COQ8B: variants seen among roughly 807,000 people sequenced by gnomAD.
COQ8B encodes coenzyme Q8B.
In COQ8B, 44 loss-of-function variants were observed where a neutral mutation model predicts 62.0. The observed-to-expected ratio is 0.71, with a 90% CI of 0.56 to 0.91. The LOEUF is 0.91. COQ8B is among the 40% of genes least tolerant of loss of function. The probability of loss-of-function intolerance (pLI) is 0.00; values close to 1 mark genes in which losing one functional copy is unlikely to be tolerated. For synonymous variants in COQ8B, 252 were observed against 289.9 expected (o/e 0.87, Z 1.33); for missense variants, 649 against 731.6 (o/e 0.89, Z 1.30).
intron 4 of COQ8B, among the ~76,000 whole-genome samples, chr19:40,713,511 T>G (rs2082158343): frequency 6.8e-6 from 1 of 147,976 alleles, no homozygotes; most frequent in Non-Finnish European, 1.5e-5. Context: ...ATGGCGCCAC[T>G]GCACTCCAGC....
At chr19:40,692,491 C>T in intron 14 of COQ8B, 118 bp from the exon 15 acceptor site, 1 of 869,380 alleles carries the variant, frequency 1.2e-6, no homozygotes, top group Non-Finnish European at 1.8e-6. Flanking sequence ...AACACAAGCC[C>T]CGACTCCCCC....
chr19:40,695,290 C>G (rs2082005198), intron 13 of COQ8B, among the ~76,000 whole-genome samples: 1 of 139,792 alleles, frequency 7.2e-6, no homozygotes, highest in Non-Finnish European at 1.5e-5. Context: ...TGCACTCCAG[C>G]CTGGGCGACA....
At chr19:40,699,981 A>G (rs1332478088) in intron 12 of COQ8B, 86 bp downstream of exon 12, 1 of 1,279,838 alleles carries the variant, frequency 7.8e-7, no homozygotes, top group Non-Finnish European at 1.1e-6. Context: ...GGGGTAATCA[A>G]CTGCTATTTT....
At chr19:40,705,679 C>T (rs564874532) in intron 5 of COQ8B, among the ~76,000 whole-genome samples, 4 of 152,270 alleles carry the variant, frequency 2.6e-5, no homozygotes, top group East Asian at 1.9e-4. Context: ...CTTGTTGGCT[C>T]GCGCCTATAA....
rs371834186 is a variant in COQ8B at position 40,714,164 on chromosome 19, G to A, written c.223-31C>T. On this transcript the variant is annotated intron_variant, in intron 3 of 14. Transcript: ENST00000324464. ...AAATGGGGACAAGGTCTGAGGGTGG[G>A]AAAGTGGGCATCGTGGCCAGAGAGT... is the stretch of plus-strand genomic sequence containing the variant. 211 of 1,613,666 alleles carry A rather than the reference G, an allele frequency of 1.3e-4. 1 individual carries two copies. In the African/African-American group the frequency reaches 2.6e-3, roughly 20 times the overall value.
chr19:40,713,931 C>T (rs1214445117), intron 4 of COQ8B, 136 bp downstream of exon 4: 3 of 902,264 alleles, frequency 3.3e-6, no homozygotes, highest in Non-Finnish European at 5.1e-6. Context: ...CTTGGCCTTG[C>T]AGGCCCTTGC....
chr19:40,692,679 C>T (rs769738821), intron 14 of COQ8B, among the ~76,000 whole-genome samples: 17 of 152,168 alleles, frequency 1.1e-4, no homozygotes, highest in Non-Finnish European at 2.4e-4. Context: ...GCCCATGTTC[C>T]CAGGGTTCCT....
intron 13 of COQ8B, among the ~76,000 whole-genome samples, chr19:40,694,386 G>A (rs1398525541): frequency 6.6e-6 from 1 of 152,142 alleles, no homozygotes; most frequent in Non-Finnish European, 1.5e-5. Context: ...TCTTTTCCAC[G>A]GCTCCGCAGG....
intron 8 of COQ8B, 26 bp downstream of exon 8, chr19:40,703,689 C>G (rs2082079328): frequency 6.2e-7 from 1 of 1,613,950 alleles, no homozygotes; most frequent in Non-Finnish European, 8.5e-7. Context: ...GTGCCCGCCC[C>G]TACCCTGCCC....
rs370308306 is a variant in COQ8B, at chr19:40,693,824, G to T, written c.1210-787C>A. Among the ~76,000 whole-genome samples the T allele has an allele frequency of 1.2e-4, 19 of 152,288 alleles. No individual in the cohort carries two copies. In the East Asian group the frequency reaches 3.1e-3, roughly 25 times the overall value. On this transcript the variant is annotated intron_variant, in intron 13 of 14. Transcript: ENST00000324464. ...CCATTATTAAGAGGTGGGCACGGGG[G>T]TCCCTATTTCACAGAAGGGGAAGCA...
chr19:40,705,068 T>G (rs979101848), intron 7 of COQ8B, 28 bp downstream of exon 7: 1 of 1,574,680 alleles, frequency 6.4e-7, no homozygotes, highest in African/African-American at 1.3e-5. Context: ...CCTGCCTCCC[T>G]CACCGCCCTC....
chr19:40,714,278 C>A lies in COQ8B; in HGVS notation c.222G>T (p.Gln74His). ...EARPRKTPRP[Q>H]LSDRSRERKV... The stretch of plus-strand genomic sequence containing the variant: ...GCTGGGTGGGTGGGGGTAATGATAC[C>A]TGGGGCCGGGGTGTCTTCCTGGGAC... The change falls in exon 3 of 15, where the codon CAG becomes CAT. Residue 74 changes from glutamine (Q) to histidine (H), a missense_variant and splice_region_variant. Physicochemically the swap from Gln to His is conservative, Grantham distance 24. Coordinates refer to ENST00000324464, the MANE Select transcript of COQ8B (RefSeq NM_024876.4). 6.2e-7 allele frequency: 1 copy of A among 1,611,454 alleles called. No individual in the cohort carries two copies. Among genetic ancestry groups the A allele is most frequent in the Non-Finnish European group, 8.5e-7 (1 of 1,178,556 alleles).
chr19:40,695,488 T>C (rs2082007883), intron 13 of COQ8B, among the ~76,000 whole-genome samples: 2 of 152,132 alleles, frequency 1.3e-5, no homozygotes, highest in African/African-American at 4.8e-5. Flanking sequence ...ACGAGCCAAG[T>C]ACGTGAGGAA....
At position 40,703,574 on chromosome 19, in the gene COQ8B, C is replaced by G; in HGVS notation, c.766G>C (p.Ala256Pro). 6.2e-7 allele frequency: 1 copy of G among 1,609,960 alleles called. No homozygotes were observed. The highest frequency in any genetic ancestry group is 8.5e-7 in the Non-Finnish European group (1 of 1,177,140). ...SIQSDVQNLL[A>P]VLKMSAALPA... ...AGGGCCGCGCTCATCTTGAGTACCGCCAGCAGGTTCTGGACATCGCTCTGA... is the reference window on the plus strand; with the variant it reads ...AGGGCCGCGCTCATCTTGAGTACCGGCAGCAGGTTCTGGACATCGCTCTGA... The change falls in exon 9 of 15, where the codon GCG (alanine) becomes CCG (proline). Residue 256 changes from alanine (A) to proline (P), a missense_variant. By Grantham distance (27) the Ala-to-Pro change is conservative. Transcript: ENST00000324464.
At chr19:40,714,855 C>A (rs1253988816) in intron 1 of COQ8B, 50 of 1,332,304 alleles carry the variant, frequency 3.8e-5, no homozygotes, top group Non-Finnish European at 4.8e-5. Context: ...TCTCCCAACC[C>A]TCGCCGTTGC....
rs1290375809 is a variant in COQ8B at position 40,705,179 on chromosome 19, T to C, written c.493A>G (p.Asn165Asp). The C allele has an allele frequency of 1.2e-6, 2 of 1,613,434 alleles. No homozygotes were observed. Among genetic ancestry groups the C allele is most frequent in the Non-Finnish European group, 8.5e-7 (1 of 1,179,696 alleles). ...TGCAGCTGAGGGCTGATGAAGCTGTTGTCTTGGGAGACAGTGGAACCAGGG... is the reference window on the plus strand; with the variant it reads ...TGCAGCTGAGGGCTGATGAAGCTGTCGTCTTGGGAGACAGTGGAACCAGGG... ...KVGQMLSIQD[N>D]SFISPQLQHI... Residue 165 changes from asparagine (N) to aspartate (D), a missense_variant and splice_region_variant, in exon 7 of 15, where the codon AAC (asparagine) becomes GAC (aspartate). Coordinates refer to ENST00000324464, the MANE Select transcript of COQ8B (RefSeq NM_024876.4).
At chr19:40,713,083 G>A (rs978547949) in intron 4 of COQ8B, among the ~76,000 whole-genome samples, 7 of 152,198 alleles carry the variant, frequency 4.6e-5, no homozygotes, top group Non-Finnish European at 8.8e-5. Flanking sequence ...GTGGCTTCCC[G>A]GGCACCGTGG....
chr19:40,702,726 C>A (rs1327225808), intron 9 of COQ8B, 33 bp from the exon 10 acceptor site: 2 of 1,596,566 alleles, frequency 1.3e-6, no homozygotes, highest in Non-Finnish European at 8.5e-7. Flanking sequence ...AGGGAAGGGC[C>A]CCGAGCGCCC....
At position 40,714,400 on chromosome 19, in the gene COQ8B, G is replaced by A; in HGVS notation, c.103-3C>T. ...GCCCAAGAACCTCCACATGGTCCCT[G>A]CAAGAGATATACTTTGATAAGGAGG... is the stretch of plus-strand genomic sequence containing the variant. On this transcript the variant is annotated splice_polypyrimidine_tract_variant and splice_region_variant and intron_variant, in intron 2 of 14. Coordinates refer to ENST00000324464, the MANE Select transcript of COQ8B (RefSeq NM_024876.4). 1 of 1,613,542 alleles carries A rather than the reference G, an allele frequency of 6.2e-7. No individual in the cohort carries two copies. Among genetic ancestry groups the A allele is most frequent in the Non-Finnish European group, 8.5e-7 (1 of 1,179,776 alleles).
Sources: allele counts gnomAD v4.1 joint callset (sites outside exome capture counted in the v4.1 genomes callset), GRCh38; gene constraint gnomAD v4.1.1; transcripts MANE v1.5; gene names NCBI Gene and HGNC (gene_info 2026-07-23, HGNC 2026-07-21).